SLC33A1: variants seen among roughly 807,000 people sequenced by gnomAD.
SLC33A1 encodes the protein solute carrier family 33 member 1.
SLC33A1 carries 20 observed loss-of-function variants against 50.0 expected under a neutral mutation model. That is an observed-to-expected ratio of 0.40 (90% confidence interval 0.28 to 0.58). The LOEUF is 0.58. Ranked by LOEUF, SLC33A1 falls within the 20% of genes least tolerant of loss-of-function variation. SLC33A1 has a pLI of 0.44. For synonymous variants in SLC33A1, 265 were observed against 251.8 expected (o/e 1.05, Z -0.50); for missense variants, 476 against 657.0 (o/e 0.72, Z 3.01).
intron 4 of SLC33A1, among the ~76,000 whole-genome samples, chr3:155,830,787 A>T (rs1301167301): frequency 6.6e-6 from 1 of 152,176 alleles, no homozygotes; most frequent in African/African-American, 2.4e-5. Flanking sequence ...GAATATATAT[A>T]TTTTTCTCCT....
Position 155,827,618 on chromosome 3 carries a change from AAAAT to A in SLC33A1, c.*588_*591del, listed in dbSNP as rs1752240424. 6.6e-6 allele frequency: 1 copy of A among 152,244 alleles called. No homozygotes were observed. The highest frequency in any genetic ancestry group is 2.1e-4 in the South Asian group (1 of 4,834). The allele number at this position is 152,244 out of a possible 1,614,324, so 9.4% of individuals were successfully genotyped here. On this transcript the variant is annotated 3_prime_UTR_variant, in exon 6 of 6. Coordinates refer to ENST00000643144, the MANE Select transcript of SLC33A1 (RefSeq NM_004733.4). ...GCTTACAAAAGCAGGAAATACATTT[AAAAT>A]AGTCTTTTTAACACAGATTCATTTG...
intron 4 of SLC33A1, among the ~76,000 whole-genome samples, chr3:155,832,884 T>C (rs1752502598): frequency 6.6e-6 from 1 of 152,130 alleles, no homozygotes; most frequent in South Asian, 2.1e-4. Context: ...TAGAATTTGC[T>C]GGCTTTGGAA....
chr3:155,836,416 T>TAAC (rs1436297963), intron 2 of SLC33A1, among the ~76,000 whole-genome samples: 9 of 149,728 alleles, frequency 6.0e-5, no homozygotes, highest in African/African-American at 1.7e-4. Context: ...AAATTAAAGG[T>TAAC]AACATATATT....
chr3:155,853,912 G>C lies in SLC33A1; in HGVS notation c.86C>G (p.Pro29Arg). The change falls in exon 1 of 6, where the codon CCC becomes CGC. Residue 29 changes from proline (P) to arginine (R), a missense_variant. Physicochemically the swap from Pro to Arg is moderately radical, Grantham distance 103. Coordinates refer to ENST00000643144, the MANE Select transcript of SLC33A1 (RefSeq NM_004733.4). ...FSHSLDMKSG[P>R]LPPGGWDDSH... ...GTCATCCCAACCGCCTGGCGGCAGGGGACCGCTCTTCATATCCAGAGAGTG... is the reference window on the plus strand; with the variant it reads ...GTCATCCCAACCGCCTGGCGGCAGGCGACCGCTCTTCATATCCAGAGAGTG... 6.5e-7 allele frequency: 1 copy of C among 1,543,666 alleles called. No homozygotes were observed. The highest frequency in any genetic ancestry group is 1.3e-5 in the South Asian group (1 of 78,420).
rs1560015448 is a variant in SLC33A1, at chr3:155,836,327, A to AAAG, written c.964-2287_964-2286insCTT. 2.2e-4 allele frequency among the ~76,000 whole-genome samples: 31 copies of AAAG among 138,602 alleles called. 1 individual carries two copies. The highest frequency in any genetic ancestry group is 8.9e-4 in the African/African-American group (29 of 32,682). 90.9% of individuals were successfully genotyped at this position (138,602 alleles called of 152,430 possible). ...AAAAAAAAAAAAGGAAAGAAAGAAA[A>AAAG]AAAGAAAGAAAGAAAAATTATAAAT... On this transcript the variant is annotated intron_variant, in intron 2 of 5. Coordinates refer to ENST00000643144, the MANE Select transcript of SLC33A1 (RefSeq NM_004733.4).
In SLC33A1 at chr3:155,853,813, A is replaced by G. The variant is rs1303741886; in HGVS notation, c.185T>C (p.Leu62Ser). The change falls in exon 1 of 6, where the codon TTA becomes TCA. Residue 62 changes from leucine to serine, a missense_variant. By Grantham distance (145) the Leu-to-Ser change is moderately radical. Transcript: ENST00000643144. ...GGCCCGGAAGCTCTGTGGGGCTTTTAAGAAGTCGCCAGTGCCGGTATCCCC... is the reference window on the plus strand; with the variant it reads ...GGCCCGGAAGCTCTGTGGGGCTTTTGAGAAGTCGCCAGTGCCGGTATCCCC... ...LLGDTGTGDFLKAPQSFRAEL... is the reference protein window; with the variant it reads ...LLGDTGTGDFSKAPQSFRAEL... 6.2e-7 allele frequency: 1 copy of G among 1,611,362 alleles called. No individual in the cohort carries two copies. Among genetic ancestry groups the G allele is most frequent in the African/African-American group, 1.3e-5 (1 of 74,742 alleles).
chr3:155,828,988 C>T (rs775193702), intron 5 of SLC33A1, among the ~76,000 whole-genome samples: 1 of 151,556 alleles, frequency 6.6e-6, no homozygotes, highest in Admixed American at 6.6e-5. Flanking sequence ...CTGCAACCTC[C>T]GCCTCCCAGT....
intron 4 of SLC33A1, among the ~76,000 whole-genome samples, chr3:155,832,578 A>G (rs548969831): frequency 6.6e-5 from 10 of 152,224 alleles, no homozygotes; most frequent in Non-Finnish European, 7.4e-5. Flanking sequence ...CTGTAATCCC[A>G]GCACTTTGGG....
At chr3:155,831,548 T>C (rs1202019090) in intron 4 of SLC33A1, among the ~76,000 whole-genome samples, 2 of 151,284 alleles carry the variant, frequency 1.3e-5, no homozygotes, top group African/African-American at 4.9e-5. Context: ...ATACATCATT[T>C]CTCGAATTTA....
rs780400607 is a variant in SLC33A1 at position 155,853,867 on chromosome 3, C to A, written c.131G>T (p.Gly44Val). 74 of 1,577,046 alleles carry A rather than the reference C, an allele frequency of 4.7e-5. No homozygotes were observed. Among genetic ancestry groups the A allele is most frequent in the Non-Finnish European group, 5.9e-5 (69 of 1,161,660 alleles). ...GWDDSHLDSA[G>V]REGDREALLG... ...AAGAGCTTCTCTGTCCCCTTCCCGG[C>A]CCGCTGAGTCCAAATGACTGTCATC... Residue 44 changes from glycine to valine, a missense_variant, in exon 1 of 6, where the codon GGC (glycine) becomes GTC (valine). Transcript: ENST00000643144.
At chr3:155,832,994 G>A (rs2109311188) in intron 4 of SLC33A1, among the ~76,000 whole-genome samples, 1 of 152,066 alleles carries the variant, frequency 6.6e-6, no homozygotes, top group Non-Finnish European at 1.5e-5. Context: ...GCTTGCACCT[G>A]CATTCCCAGC....
chr3:155,831,457 CAAAAAAAAAAAAAAAA>C (rs397991448), intron 4 of SLC33A1, among the ~76,000 whole-genome samples: 3,619 of 47,050 alleles, frequency 0.077, 271 homozygotes, highest in African/African-American at 0.2. Flanking sequence ...GACTCTGTCT[CAAAAAAAAAAAAAAAA>C]AAAAAAAAAA....
At chr3:155,828,489 C>T in intron 5 of SLC33A1, 112 bp from the exon 6 acceptor site, 1 of 699,048 alleles carries the variant, frequency 1.4e-6, no homozygotes. Flanking sequence ...TAAAACATTT[C>T]AGTATTTCAC....
chr3:155,837,542 T>C (rs974996075), intron 2 of SLC33A1, among the ~76,000 whole-genome samples: 5 of 152,086 alleles, frequency 3.3e-5, no homozygotes, highest in African/African-American at 1.2e-4. Flanking sequence ...TATTTACCAA[T>C]GAGAAATGTG....
At chr3:155,837,858 G>C (rs1385608420) in intron 2 of SLC33A1, among the ~76,000 whole-genome samples, 2 of 152,066 alleles carry the variant, frequency 1.3e-5, no homozygotes, top group African/African-American at 4.8e-5. Flanking sequence ...GTTATTAGGG[G>C]GGAAGTTTAA....
intron 1 of SLC33A1, among the ~76,000 whole-genome samples, chr3:155,852,787 T>C (rs1476226624): frequency 1.3e-5 from 2 of 152,178 alleles, no homozygotes; most frequent in Non-Finnish European, 2.9e-5. Context: ...TTCAATAATG[T>C]TTGAACGAAT....
rs1254938883 is a variant in SLC33A1, at chr3:155,825,296, T to C, written c.*2914A>G. On this transcript the variant is annotated 3_prime_UTR_variant, in exon 6 of 6. Transcript: ENST00000643144. ...TCCCAAGTAGCTGGGACTACTGGTG[T>C]GTACCACCATGCCTGGATAATTAAA... is the stretch of plus-strand genomic sequence containing the variant. The C allele has an allele frequency of 6.6e-6, 1 of 151,794 alleles. No individual in the cohort carries two copies. Among genetic ancestry groups the C allele is most frequent in the African/African-American group, 2.4e-5 (1 of 41,272 alleles). 9.4% of individuals were successfully genotyped at this position (151,794 alleles called of 1,614,324 possible).
At chr3:155,852,634 T>C (rs1242824822) in intron 1 of SLC33A1, among the ~76,000 whole-genome samples, 2 of 152,238 alleles carry the variant, frequency 1.3e-5, no homozygotes, top group Non-Finnish European at 2.9e-5. Flanking sequence ...AGTCAAATGT[T>C]ATCTGCAATG....
At position 155,849,909 on chromosome 3, in the gene SLC33A1, G is replaced by GAATAATAAT. The variant is rs71138683; in HGVS notation, c.775+3305_775+3313dup. Among the ~76,000 whole-genome samples, 508 of 133,986 alleles carry GAATAATAAT rather than the reference G, an allele frequency of 3.8e-3. 2 individuals are homozygous for GAATAATAAT. The highest frequency in any genetic ancestry group is 5.9e-3 in the Non-Finnish European group (371 of 62,684). The allele number at this position is 133,986 out of a possible 152,430, so 87.9% of individuals were successfully genotyped here. On this transcript the variant is annotated intron_variant, in intron 1 of 5. Transcript: ENST00000643144. The stretch of plus-strand genomic sequence containing the variant: ...GGCGACAGAGCGAGACTCCATCTCA[G>GAATAATAAT]AATAATAATAATAATAATAATAATA...
Sources: allele counts gnomAD v4.1 joint callset (sites outside exome capture counted in the v4.1 genomes callset), GRCh38; gene constraint gnomAD v4.1.1; transcripts MANE v1.5; gene names NCBI Gene and HGNC (gene_info 2026-07-23, HGNC 2026-07-21).